The following NDUFAF1 variants were observed in gnomAD, a reference collection of about 807,000 sequenced individuals.
NDUFAF1 encodes complex I intermediate-associated protein 30, mitochondrial.
NDUFAF1 carries 18 observed loss-of-function variants against 28.7 expected under a neutral mutation model. The observed-to-expected ratio is 0.63, with a 90% confidence interval of 0.43 to 0.93. The LOEUF (loss-of-function observed/expected upper bound fraction) is 0.93. Among genes scored for constraint, NDUFAF1 ranks in the 40% least tolerant of loss-of-function variants. The pLI is 0.00. For missense variants in NDUFAF1, 404 were observed against 398.3 expected, an observed-to-expected ratio of 1.01 and a Z score of -0.12; for synonymous variants, 113 against 139.7, an observed-to-expected ratio of 0.81 and a Z score of 1.35.
rs770939199 is a variant in NDUFAF1 at position 41,394,906 on chromosome 15, T to G, written c.712A>C (p.Ser238Arg). The change falls in exon 3 of 5, where the codon AGT (serine) becomes CGT (arginine). Residue 238 changes from serine to arginine, a missense_variant. Ser to Arg is a moderately radical substitution (Grantham distance 110). Coordinates refer to ENST00000260361, the MANE Select transcript of NDUFAF1 (RefSeq NM_016013.4). ...CCCCCGCGGGTGAACATGAAGTAAC[T>G]ATACATCTGATTCGTCCTCTGGAAG... ...DFFQRTNQMYSYFMFTRGGPY... is the reference protein window; with the variant it reads ...DFFQRTNQMYRYFMFTRGGPY... 6.2e-7 allele frequency: 1 copy of G among 1,614,050 alleles called. No individual in the cohort carries two copies. Among genetic ancestry groups the G allele is most frequent in the Non-Finnish European group, 8.5e-7 (1 of 1,180,042 alleles).
chr15:41,400,688 ATTTTT>A (rs58010983), intron 1 of NDUFAF1, among the ~76,000 whole-genome samples: 10 of 97,822 alleles, frequency 1.0e-4, no homozygotes, highest in African/African-American at 4.3e-4. Flanking sequence ...ATGCCCAGCT[ATTTTT>A]TTTTTTTTTT....
chr15:41,396,577 T>G lies in NDUFAF1; in HGVS notation c.483A>C (p.Ala161=), dbSNP rs776240028. Reference sequence around the variant, plus strand: ...CAGAGCTCAGAGTTCCATATAGCAGTGCACTTTGGTTATTCTTGCCCATTT... The same window carrying G: ...CAGAGCTCAGAGTTCCATATAGCAGGGCACTTTGGTTATTCTTGCCCATTT... ...FLKMGKNNQS[A]LLYGTLSSEA... is the part of the protein sequence containing the mutation. The change falls in exon 2 of 5, where the codon GCA becomes GCC. Residue 161 remains alanine (A), a synonymous_variant. Coordinates refer to ENST00000260361, the MANE Select transcript of NDUFAF1 (RefSeq NM_016013.4). The G allele has an allele frequency of 1.9e-5, 31 of 1,613,996 alleles. No individual in the cohort carries two copies.
In NDUFAF1 at chr15:41,400,688, A is replaced by ATTTTTTTTTTTTTTT. The variant is rs58010983; in HGVS notation, c.-82+1441_-82+1455dup. 5.5e-4 allele frequency among the ~76,000 whole-genome samples: 54 copies of ATTTTTTTTTTTTTTT among 97,806 alleles called. 1 individual carries two copies. The highest frequency in any genetic ancestry group is 1.8e-3 in the African/African-American group (42 of 23,486). The allele number at this position is 97,806 out of a possible 152,430, so 64.2% of individuals were successfully genotyped here. Reference sequence around the variant, plus strand: ...CAGGCGCCCGCCACCATGCCCAGCTATTTTTTTTTTTTTTTTTTTTTTGGA... The same window carrying ATTTTTTTTTTTTTTT: ...CAGGCGCCCGCCACCATGCCCAGCTATTTTTTTTTTTTTTTTTTTTTTTTTTTTTTTTTTTTTGGA... On this transcript the variant is annotated intron_variant, in intron 1 of 4. Coordinates refer to ENST00000260361, the MANE Select transcript of NDUFAF1 (RefSeq NM_016013.4).
In NDUFAF1 at chr15:41,394,731, T is replaced by C. The variant is rs544750319; in HGVS notation, c.759+128A>G. 6.0e-5 allele frequency: 47 copies of C among 784,746 alleles called. No homozygotes were observed. The African/African-American group carries it at 6.8e-4, about 11-fold the overall frequency. The allele number at this position is 784,746 out of a possible 1,614,324, so 48.6% of individuals were successfully genotyped here. ...CTAGGTTTCACCATGTTGGCCAACC[T>C]GGTCTCGAACTCCTGACCTCAGGTG... On this transcript the variant is annotated intron_variant, in intron 3 of 4. Transcript: ENST00000260361.
Position 41,397,087 on chromosome 15 carries a change from C to A in NDUFAF1, c.-28G>T, listed in dbSNP as rs370636594. ...TACAAAAAAATCAAAATGTAAGTTTCTTCCTGGGCTAGCAAGGGCCACCAA... is the reference window on the plus strand; with the variant it reads ...TACAAAAAAATCAAAATGTAAGTTTATTCCTGGGCTAGCAAGGGCCACCAA... On this transcript the variant is annotated 5_prime_UTR_variant, in exon 2 of 5. Transcript: ENST00000260361. 1.4e-5 allele frequency: 22 copies of A among 1,606,342 alleles called. No homozygotes were observed. Among genetic ancestry groups the A allele is most frequent in the Non-Finnish European group, 1.9e-5 (22 of 1,174,630 alleles).
chr15:41,389,781 T>C (rs1016690257), intron 3 of NDUFAF1, among the ~76,000 whole-genome samples: 3 of 144,446 alleles, frequency 2.1e-5, no homozygotes, highest in Non-Finnish European at 4.7e-5. Context: ...AGTAAATAAA[T>C]TTTAATGAAC....
At chr15:41,401,760 C>G (rs1031394547) in intron 1 of NDUFAF1, among the ~76,000 whole-genome samples, 1 of 152,088 alleles carries the variant, frequency 6.6e-6, no homozygotes, top group Non-Finnish European at 1.5e-5. Flanking sequence ...TAAATCAAAA[C>G]CATGTAAACA....
chr15:41,393,445 G>A (rs182783316), intron 3 of NDUFAF1, among the ~76,000 whole-genome samples: 146 of 150,388 alleles, frequency 9.7e-4, no homozygotes, highest in African/African-American at 3.5e-3. Context: ...CACCAAGCCC[G>A]GCTAATTTTT....
chr15:41,387,559 A>C lies in NDUFAF1; in HGVS notation c.869T>G (p.Val290Gly). ...TATCTCCAGGAAGAATGGACCATCCACTTTATCAGCCAAGGTGAATCCTAT... is the reference window on the plus strand; with the variant it reads ...TATCTCCAGGAAGAATGGACCATCCCCTTTATCAGCCAAGGTGAATCCTAT... Reference protein sequence around the residue: ...SSIGFTLADKVDGPFFLEIDF... With the variant: ...SSIGFTLADKGDGPFFLEIDF... Residue 290 changes from valine (V) to glycine (G), a missense_variant, in exon 5 of 5, where the codon GTG becomes GGG. By Grantham distance (109) the Val-to-Gly change is moderately radical. Coordinates refer to ENST00000260361, the MANE Select transcript of NDUFAF1 (RefSeq NM_016013.4). 6.2e-7 allele frequency: 1 copy of C among 1,611,592 alleles called. No individual in the cohort carries two copies. The highest frequency in any genetic ancestry group is 8.5e-7 in the Non-Finnish European group (1 of 1,177,676).
chr15:41,400,054 T>C (rs1481217564), intron 1 of NDUFAF1, among the ~76,000 whole-genome samples: 2 of 146,452 alleles, frequency 1.4e-5, no homozygotes, highest in Non-Finnish European at 3.0e-5. Context: ...AGCAGGACTC[T>C]GTCTAAAAAA....
chr15:41,396,420 A>G, intron 2 of NDUFAF1, 67 bp downstream of exon 2: 1 of 1,472,238 alleles, frequency 6.8e-7, no homozygotes, highest in South Asian at 1.1e-5. Context: ...GCTATCTTCT[A>G]TAGTTTATGC....
chr15:41,402,075 G>T (rs1458681469), intron 1 of NDUFAF1, 69 bp downstream of exon 1: 3 of 370,760 alleles, frequency 8.1e-6, no homozygotes, highest in African/African-American at 4.1e-5. Flanking sequence ...TGAGGTTGAC[G>T]GTGGGTTTTG....
Position 41,397,078 on chromosome 15 carries a change from TG to T in NDUFAF1, c.-20del. The T allele has an allele frequency of 6.2e-7, 1 of 1,611,416 alleles. No homozygotes were observed. The highest frequency in any genetic ancestry group is 8.5e-7 in the Non-Finnish European group (1 of 1,178,538). ...AAGCCATGGTACAAAAAAATCAAAA[TG>T]TAAGTTTCTTCCTGGGCTAGCAAGG... On this transcript the variant is annotated 5_prime_UTR_variant, in exon 2 of 5. Coordinates refer to ENST00000260361, the MANE Select transcript of NDUFAF1 (RefSeq NM_016013.4).
chr15:41,400,363 C>G (rs2050445374), intron 1 of NDUFAF1, among the ~76,000 whole-genome samples: 1 of 132,690 alleles, frequency 7.5e-6, no homozygotes, highest in South Asian at 2.5e-4. Context: ...GAGCAAAATT[C>G]CATCTCAAAA....
intron 1 of NDUFAF1, among the ~76,000 whole-genome samples, chr15:41,401,492 T>G (rs1212931150): frequency 1.3e-5 from 2 of 151,354 alleles, no homozygotes; most frequent in African/African-American, 4.9e-5. Context: ...TGGAGTGCAG[T>G]TGTGCGATCT....
At chr15:41,392,136 G>C (rs1011644062) in intron 3 of NDUFAF1, among the ~76,000 whole-genome samples, 4 of 147,862 alleles carry the variant, frequency 2.7e-5, no homozygotes, top group Non-Finnish European at 5.9e-5. Flanking sequence ...ACAGTGGCGC[G>C]ATCTTGGCTC....
intron 3 of NDUFAF1, among the ~76,000 whole-genome samples, chr15:41,394,620 CTTTTTTTTTTTTTT>C (rs35958824): frequency 5.4e-5 from 3 of 55,576 alleles, no homozygotes; most frequent in South Asian, 6.4e-4. Context: ...ATCTCCAAGA[CTTTTTTTTTTTTTT>C]TTTTTTTTTT....
chr15:41,388,459 G>A lies in NDUFAF1; in HGVS notation c.823C>T (p.Pro275Ser), dbSNP rs778392729. 6.2e-7 allele frequency: 1 copy of A among 1,611,482 alleles called. No homozygotes were observed. Among genetic ancestry groups the A allele is most frequent in the Non-Finnish European group, 8.5e-7 (1 of 1,177,686 alleles). Residue 275 changes from proline to serine, a missense_variant, in exon 4 of 5, where the codon CCG (proline) becomes TCG (serine). Transcript: ENST00000260361. Reference protein sequence around the residue: ...GRIRDVQHELPLDKISSIGFT... With the variant: ...GRIRDVQHELSLDKISSIGFT... ...CAGGAATATGTTACCTTATCAAGCG[G>A]AAGCTCATGCTGAACATCCCGGATT...
chr15:41,400,146 G>T (rs928349575), intron 1 of NDUFAF1, among the ~76,000 whole-genome samples: 1 of 151,928 alleles, frequency 6.6e-6, no homozygotes, highest in African/African-American at 2.4e-5. Flanking sequence ...GGCCAAGGTG[G>T]GTGGATGACA....
Sources: gnomAD v4.1 joint callset for allele counts (sites outside exome capture counted in the v4.1 genomes callset) on GRCh38, gnomAD v4.1.1 for gene constraint, MANE v1.5 for transcripts, NCBI Gene and HGNC (gene_info 2026-07-23, HGNC 2026-07-21) for gene names.